The following PMS1 variants were observed in gnomAD, a reference collection of about 807,000 sequenced individuals.
PMS1 encodes PMS1 protein homolog 1.
Under a neutral mutation model 93.1 loss-of-function variants are expected in PMS1, and 79 were observed. The observed-to-expected ratio is 0.85, with a 90% CI of 0.71 to 1.02. The LOEUF (loss-of-function observed/expected upper bound fraction) is 1.02. Among genes scored for constraint, PMS1 ranks in the 50% least tolerant of loss-of-function variants. The probability of loss-of-function intolerance (pLI) is 0.00; values close to 1 mark genes in which losing one functional copy is unlikely to be tolerated. For synonymous variants in PMS1, 335 were observed against 363.4 expected, an observed-to-expected ratio of 0.92 and a Z score of 0.89; for missense variants, 1,064 against 1,085.3, an observed-to-expected ratio of 0.98 and a Z score of 0.28.
Position 189,877,431 on chromosome 2 carries a change from AC to A in PMS1, c.2795del (p.Thr932AsnfsTer3). ...FHHLTYLPET[T>X] ...TCATTTAACCTATCTTCCAGAAACT[AC>A]ATGATTAAATATGTTTAAGAAGATT... On this transcript the variant is annotated frameshift_variant, in exon 13 of 13. Coordinates refer to ENST00000441310, the MANE Select transcript of PMS1 (RefSeq NM_000534.5). LOFTEE classifies it high-confidence loss of function. 1 of 1,605,382 alleles carries A rather than the reference AC, an allele frequency of 6.2e-7. No homozygotes were observed. The highest frequency in any genetic ancestry group is 8.5e-7 in the Non-Finnish European group (1 of 1,172,226).
chr2:189,838,676 G>A (rs1407417983), intron 5 of PMS1, among the ~76,000 whole-genome samples: 2 of 152,096 alleles, frequency 1.3e-5, no homozygotes, highest in Admixed American at 1.3e-4. Context: ...TGTTGGTTCT[G>A]TTAACACAGC....
chr2:189,837,061 T>A (rs1464548627), intron 5 of PMS1, among the ~76,000 whole-genome samples: 1 of 152,202 alleles, frequency 6.6e-6, no homozygotes, highest in East Asian at 1.9e-4. Flanking sequence ...TTTTAAAACA[T>A]TAGTTTTTTG....
At chr2:189,838,009 G>T (rs1262754636) in intron 5 of PMS1, among the ~76,000 whole-genome samples, 2 of 152,182 alleles carry the variant, frequency 1.3e-5, no homozygotes, top group African/African-American at 4.8e-5. Flanking sequence ...ATTGAAAAGG[G>T]ATAGGAGTCA....
At chr2:189,801,418 C>T (rs1271898119) in intron 3 of PMS1, among the ~76,000 whole-genome samples, 1 of 152,072 alleles carries the variant, frequency 6.6e-6, no homozygotes. Flanking sequence ...GAGTGAAAAT[C>T]CTGTCTTGAC....
intron 1 of PMS1, among the ~76,000 whole-genome samples, chr2:189,785,809 GGAGT>G (rs1195730512): frequency 6.6e-6 from 1 of 152,162 alleles, no homozygotes; most frequent in African/African-American, 2.4e-5. Context: ...AGCTGAGGAA[GGAGT>G]GAGTGTCACC....
At position 189,855,245 on chromosome 2, in the gene PMS1, AC is replaced by A. The variant is rs2055187728; in HGVS notation, c.1856+119del. 14 of 871,574 alleles carry A rather than the reference AC, an allele frequency of 1.6e-5. No homozygotes were observed. In the South Asian group the frequency reaches 2.1e-4, roughly 13 times the overall value. 54.0% of individuals were successfully genotyped at this position (871,574 alleles called of 1,614,324 possible). On this transcript the variant is annotated intron_variant, in intron 9 of 12. Transcript: ENST00000441310. ...TTTATGGAAAAGCAGATCAGAAAAT[AC>A]CTTTGGCTTGGATAGAGTACCTTTT...
chr2:189,787,748 TACTA>T (rs1320229918), intron 1 of PMS1, among the ~76,000 whole-genome samples: 1 of 152,204 alleles, frequency 6.6e-6, no homozygotes, highest in Non-Finnish European at 1.5e-5. Context: ...TCCTAGCTCT[TACTA>T]ACAGCTATAT....
chr2:189,803,721 CTG>C (rs1481193029), intron 3 of PMS1, among the ~76,000 whole-genome samples: 1 of 152,220 alleles, frequency 6.6e-6, no homozygotes, highest in Non-Finnish European at 1.5e-5. Flanking sequence ...TTTCCTTCCT[CTG>C]TGGAACACAC....
chr2:189,828,987 A>G (rs1454190438), intron 5 of PMS1, among the ~76,000 whole-genome samples: 1 of 152,158 alleles, frequency 6.6e-6, no homozygotes, highest in Admixed American at 6.5e-5. Context: ...TCTTTTAGCA[A>G]ATAGTGTTTT....
intron 5 of PMS1, among the ~76,000 whole-genome samples, chr2:189,830,757 A>G (rs1156286198): frequency 1.3e-5 from 2 of 152,252 alleles, no homozygotes; most frequent in African/African-American, 4.8e-5. Context: ...TGGTGGCACC[A>G]GCCCAGCTGG....
intron 6 of PMS1, 148 bp from the exon 7 acceptor site, chr2:189,852,507 A>G: frequency 1.4e-6 from 1 of 700,888 alleles, no homozygotes; most frequent in Non-Finnish European, 2.5e-6. Context: ...GTTAATACTT[A>G]AGACATGATT....
chr2:189,799,106 C>G (rs2049640969), intron 3 of PMS1, among the ~76,000 whole-genome samples: 2 of 151,976 alleles, frequency 1.3e-5, no homozygotes, highest in Admixed American at 1.3e-4. Flanking sequence ...ATCATTTTGT[C>G]TTTGTTTTAT....
At chr2:189,833,158 T>C (rs1266849218) in intron 5 of PMS1, among the ~76,000 whole-genome samples, 1 of 152,252 alleles carries the variant, frequency 6.6e-6, no homozygotes, top group Non-Finnish European at 1.5e-5. Flanking sequence ...GTAAACTTAC[T>C]GTTGATTTGC....
chr2:189,824,746 T>C (rs1387996249), intron 5 of PMS1, among the ~76,000 whole-genome samples: 24 of 152,130 alleles, frequency 1.6e-4, no homozygotes, highest in Admixed American at 1.5e-3. Context: ...ATGGACTGAA[T>C]TAGAACAAGC....
chr2:189,807,491 T>C (rs1408148056), intron 4 of PMS1, among the ~76,000 whole-genome samples: 1 of 152,230 alleles, frequency 6.6e-6, no homozygotes, highest in Admixed American at 6.5e-5. Flanking sequence ...TGAGTGGCTA[T>C]CCAGTAGAGT....
intron 10 of PMS1, among the ~76,000 whole-genome samples, 189 bp from the exon 11 acceptor site, chr2:189,867,610 G>C (rs368534341): frequency 6.6e-6 from 1 of 152,146 alleles, no homozygotes; most frequent in African/African-American, 2.4e-5. Context: ...TCTGTATACT[G>C]TGTGCAGTAG....
At chr2:189,791,641 G>A (rs1385520200) in intron 1 of PMS1, 149 bp from the exon 2 acceptor site, 2 of 584,418 alleles carry the variant, frequency 3.4e-6, no homozygotes, top group East Asian at 3.0e-5. Flanking sequence ...AGAAATAGAA[G>A]ACTTAATATT....
intron 6 of PMS1, among the ~76,000 whole-genome samples, chr2:189,844,643 CAA>C (rs752620656): frequency 0.053 from 3,294 of 62,472 alleles, 123 homozygotes; most frequent in African/African-American, 0.15. Context: ...GATTCCATCT[CAA>C]AAAAAAAAAA....
chr2:189,876,376 C>G (rs1361745943), intron 12 of PMS1, among the ~76,000 whole-genome samples: 2 of 152,148 alleles, frequency 1.3e-5, no homozygotes, highest in Non-Finnish European at 2.9e-5. Flanking sequence ...TTGGATCCAG[C>G]CAGGACAGTT....
Sources: gnomAD v4.1 joint callset for allele counts (sites outside exome capture counted in the v4.1 genomes callset) on GRCh38, gnomAD v4.1.1 for gene constraint, MANE v1.5 for transcripts, NCBI Gene and HGNC (gene_info 2026-07-23, HGNC 2026-07-21) for gene names.